MCTP1: variants seen among roughly 807,000 people sequenced by gnomAD.
MCTP1 encodes the protein multiple C2 and transmembrane domain containing 1, also known as multiple C2 and transmembrane domain-containing protein 1.
In MCTP1, 69 loss-of-function variants were observed where a neutral mutation model predicts 120.6. That is an observed-to-expected ratio of 0.57 (90% CI 0.47 to 0.70). The LOEUF (loss-of-function observed/expected upper bound fraction) is 0.70. Ranked by LOEUF, MCTP1 falls within the 30% of genes least tolerant of loss-of-function variation. The probability of loss-of-function intolerance (pLI) is 0.00; values close to 1 mark genes in which losing one functional copy is unlikely to be tolerated. For missense variants in MCTP1, 1,203 were observed against 1,248.8 expected (o/e 0.96, Z 0.55); for synonymous variants, 529 against 493.1 (o/e 1.07, Z -0.96).
chr5:95,129,817 T>G (rs1350656054), intron 1 of MCTP1, among the ~76,000 whole-genome samples: 1 of 152,138 alleles, frequency 6.6e-6, no homozygotes, highest in Non-Finnish European at 1.5e-5. Flanking sequence ...CCTGCCACCA[T>G]GCCTGGCTAA....
At chr5:94,906,665 T>C (rs1243721741) in intron 10 of MCTP1, among the ~76,000 whole-genome samples, 1 of 152,318 alleles carries the variant, frequency 6.6e-6, no homozygotes, top group South Asian at 2.1e-4. Context: ...AAAATCATTA[T>C]ATATGACCAA....
chr5:95,214,142 T>C (rs1221476922), intron 1 of MCTP1, among the ~76,000 whole-genome samples: 1 of 152,256 alleles, frequency 6.6e-6, no homozygotes, highest in Non-Finnish European at 1.5e-5. Context: ...ATCCAGAATC[T>C]ACAAAGAACT....
At chr5:94,830,067 C>A (rs137877559) in intron 17 of MCTP1, among the ~76,000 whole-genome samples, 1 of 152,170 alleles carries the variant, frequency 6.6e-6, no homozygotes, top group Non-Finnish European at 1.5e-5. Context: ...ATGTTAATTC[C>A]CAAGAAAGAG....
intron 1 of MCTP1, among the ~76,000 whole-genome samples, chr5:95,274,626 C>CTTTTTTTCT (rs11283018): frequency 6.7e-6 from 1 of 149,674 alleles, no homozygotes; most frequent in Non-Finnish European, 1.5e-5. Context: ...TTACTGCTTT[C>CTTTTTTTCT]TTTTTTTCTT....
At chr5:95,136,003 C>T (rs1344809817) in intron 1 of MCTP1, among the ~76,000 whole-genome samples, 1 of 152,176 alleles carries the variant, frequency 6.6e-6, no homozygotes, top group Non-Finnish European at 1.5e-5. Context: ...GAGTAGATTT[C>T]AATATAATTG....
intron 2 of MCTP1, among the ~76,000 whole-genome samples, chr5:95,017,078 T>A (rs1451100769): frequency 6.6e-6 from 1 of 152,144 alleles, no homozygotes; most frequent in Non-Finnish European, 1.5e-5. Flanking sequence ...CTCACTTATG[T>A]AACCAATTAT....
chr5:94,963,474 CTTTT>C (rs70978150), intron 2 of MCTP1, among the ~76,000 whole-genome samples: 1 of 141,792 alleles, frequency 7.1e-6, no homozygotes, highest in Non-Finnish European at 1.5e-5. Flanking sequence ...CACTTGTTTT[CTTTT>C]TTTTTTTTTA....
intron 2 of MCTP1, among the ~76,000 whole-genome samples, chr5:94,957,252 A>T (rs1357869241): frequency 6.6e-6 from 1 of 152,212 alleles, no homozygotes; most frequent in Non-Finnish European, 1.5e-5. Context: ...GCCTTACAAG[A>T]GCTCCTGAAA....
In MCTP1 at chr5:94,706,066, G is replaced by C. The variant is rs1043840645; in HGVS notation, c.*1430C>G. 1 of 151,586 alleles carries C rather than the reference G, an allele frequency of 6.6e-6. No homozygotes were observed. Among genetic ancestry groups the C allele is most frequent in the African/African-American group, 2.4e-5 (1 of 41,354 alleles). 9.4% of individuals were successfully genotyped at this position (151,586 alleles called of 1,614,324 possible). A position where few individuals can be genotyped will look rare whatever the true frequency, so the allele number is the denominator to read the frequency against. On this transcript the variant is annotated 3_prime_UTR_variant, in exon 23 of 23. Transcript: ENST00000515393. ...CAATGAGATTACATTTATTGTTAAA[G>C]AATCTTCCTTTAGAGTGAAATATAC...
intron 1 of MCTP1, among the ~76,000 whole-genome samples, chr5:95,250,745 T>C (rs186158300): frequency 1.3e-5 from 2 of 152,206 alleles, no homozygotes; most frequent in African/African-American, 4.8e-5. Context: ...AAAAATGCTT[T>C]CCTCTTTAAT....
rs190882575 is a variant in MCTP1, at chr5:95,261,005, C to T, written c.720+22851G>A. ...ACCTTTTTAAAAAGTTAAAATAACA[C>T]ATATTATGCACAGTAGCTAACCCAA... On this transcript the variant is annotated intron_variant, in intron 1 of 22. Transcript: ENST00000515393. 2.8e-3 allele frequency among the ~76,000 whole-genome samples: 429 copies of T among 152,250 alleles called. 1 individual carries two copies. Among genetic ancestry groups the T allele is most frequent in the African/African-American group, 9.6e-3 (399 of 41,516 alleles).
At chr5:95,167,837 T>G (rs912785349) in intron 1 of MCTP1, among the ~76,000 whole-genome samples, 3 of 152,232 alleles carry the variant, frequency 2.0e-5, no homozygotes, top group East Asian at 1.9e-4. Context: ...TTTCTCCCAT[T>G]CTGTAGGTTG....
At chr5:95,148,208 G>A (rs895614632) in intron 1 of MCTP1, among the ~76,000 whole-genome samples, 1 of 152,060 alleles carries the variant, frequency 6.6e-6, no homozygotes, top group African/African-American at 2.4e-5. Flanking sequence ...TATCTCATAG[G>A]GGGTCTCTGT....
intron 1 of MCTP1, among the ~76,000 whole-genome samples, chr5:95,248,532 A>G (rs182866531): frequency 6.6e-6 from 1 of 152,318 alleles, no homozygotes; most frequent in East Asian, 1.9e-4. Flanking sequence ...ACACAAGCAA[A>G]TGGAGGAACA....
intron 17 of MCTP1, chr5:94,867,129 C>A: frequency 1.0e-6 from 1 of 995,022 alleles, no homozygotes; most frequent in African/African-American, 1.7e-5. Flanking sequence ...AGGGAAAAAT[C>A]AGAATAAAGT....
At chr5:95,011,895 A>G (rs115142502) in intron 2 of MCTP1, among the ~76,000 whole-genome samples, 1,848 of 152,242 alleles carry the variant, frequency 0.012, 14 homozygotes, top group Middle Eastern at 0.027. Context: ...ACATTTTGCC[A>G]TCAATGTTTG....
intron 1 of MCTP1, among the ~76,000 whole-genome samples, chr5:95,027,158 C>T (rs1301475726): frequency 1.3e-5 from 2 of 152,204 alleles, no homozygotes; most frequent in Non-Finnish European, 2.9e-5. Context: ...GATTAAGTGA[C>T]TTTAAAGACC....
intron 1 of MCTP1, among the ~76,000 whole-genome samples, chr5:95,067,144 T>TGG (rs952369657): frequency 1.4e-5 from 1 of 70,022 alleles, no homozygotes; most frequent in African/African-American, 6.0e-5. Context: ...GGGGTGGGAG[T>TGG]GGGGGGATCG....
intron 1 of MCTP1, among the ~76,000 whole-genome samples, chr5:95,173,379 A>G (rs1747578758): frequency 6.6e-6 from 1 of 152,212 alleles, no homozygotes; most frequent in Admixed American, 6.5e-5. Flanking sequence ...AGTAAAATAT[A>G]ATCATAACCA....
Sources: gnomAD v4.1 joint callset for allele counts (sites outside exome capture counted in the v4.1 genomes callset) on GRCh38, gnomAD v4.1.1 for gene constraint, MANE v1.5 for transcripts, NCBI Gene and HGNC (gene_info 2026-07-23, HGNC 2026-07-21) for gene names.